Variants in MBD5 observed in about 807,000 individuals in gnomAD.
MBD5 encodes methyl-CpG-binding domain protein 5.
Under a neutral mutation model 117.3 loss-of-function variants are expected in MBD5, and 13 were observed. The observed-to-expected ratio is 0.11, with a 90% confidence interval of 0.07 to 0.18. The LOEUF is 0.18. MBD5 is among the 10% of genes least tolerant of loss of function. The pLI is 1.00. For missense variants in MBD5, 1,879 were observed against 2,093.8 expected, an observed-to-expected ratio of 0.90 and a Z score of 2.00; for synonymous variants, 727 against 766.4, an observed-to-expected ratio of 0.95 and a Z score of 0.85.
chr2:148,163,754 C>T (rs964088028), intron 1 of MBD5, among the ~76,000 whole-genome samples: 3 of 151,916 alleles, frequency 2.0e-5, no homozygotes, highest in African/African-American at 4.8e-5. Flanking sequence ...TTTAGAATAG[C>T]GCTTGGTATG....
chr2:148,373,454 T>G (rs1703909937), intron 4 of MBD5, among the ~76,000 whole-genome samples: 1 of 152,126 alleles, frequency 6.6e-6, no homozygotes, highest in Non-Finnish European at 1.5e-5. Flanking sequence ...TATTCGTTAT[T>G]GGAAGGACAA....
chr2:148,490,167 G>T lies in MBD5; in HGVS notation c.4535G>T (p.Arg1512Ile), dbSNP rs1681477641. Residue 1512 changes from arginine to isoleucine, a missense_variant, in exon 11 of 14, where the codon AGA becomes ATA. By Grantham distance (97) the Arg-to-Ile change is moderately conservative. Transcript: ENST00000642680. ...AGAACTATGATGAGTTTTAAGGAGA[G>T]ACTAGAGAACACTGTGGAAAGATGT... is the stretch of plus-strand genomic sequence containing the variant. ...YKRTMMSFKE[R>I]LENTVERCAH... is the part of the protein sequence containing the mutation. The T allele has an allele frequency of 6.2e-7, 1 of 1,614,064 alleles. No homozygotes were observed. The highest frequency in any genetic ancestry group is 1.3e-5 in the African/African-American group (1 of 75,004).
chr2:148,329,673 A>G (rs1452301372), intron 3 of MBD5, among the ~76,000 whole-genome samples: 1 of 152,178 alleles, frequency 6.6e-6, no homozygotes, highest in Admixed American at 6.5e-5. Flanking sequence ...TTTGATGTAT[A>G]AGAAAGGCAA....
chr2:148,387,994 T>C lies in MBD5; in HGVS notation c.-557+45658T>C, dbSNP rs531454862. Among the ~76,000 whole-genome samples, 26 of 152,184 alleles carry C rather than the reference T, an allele frequency of 1.7e-4. 1 individual carries two copies. Among genetic ancestry groups the C allele is most frequent in the Admixed American group, 3.3e-4 (5 of 15,288 alleles). ...GTTTTTGGGGAATCTAAACTTCATA[T>C]GAAAAAGCAAAGAGCATGGAATAGC... On this transcript the variant is annotated intron_variant, in intron 4 of 13. Transcript: ENST00000642680.
intron 4 of MBD5, among the ~76,000 whole-genome samples, chr2:148,365,311 A>G (rs1001687492): frequency 6.6e-6 from 1 of 152,208 alleles, no homozygotes. Context: ...GACACAACAT[A>G]CCAGAATCTC....
At chr2:148,369,221 T>TA (rs556656836) in intron 4 of MBD5, among the ~76,000 whole-genome samples, 3,539 of 139,420 alleles carry the variant, frequency 0.025, 69 homozygotes, top group Middle Eastern at 0.061. Flanking sequence ...TCAAAAAACT[T>TA]AAAAAAAAAA....
chr2:148,366,475 A>G lies in MBD5; in HGVS notation c.-557+24139A>G, dbSNP rs762040422. Among the ~76,000 whole-genome samples the G allele has an allele frequency of 1.1e-3, 161 of 152,192 alleles. 1 individual carries two copies. The highest frequency in any genetic ancestry group is 1.2e-3 in the South Asian group (6 of 4,822). ...CAACATAGTGTTGGAAGTTCTGGCC[A>G]GGGCAGTCAGGCAAGAGAAAGAAAT... On this transcript the variant is annotated intron_variant, in intron 4 of 13. Transcript: ENST00000642680.
At chr2:148,508,802 G>A (rs1413689065) in intron 12 of MBD5, among the ~76,000 whole-genome samples, 1 of 152,014 alleles carries the variant, frequency 6.6e-6, no homozygotes, top group Non-Finnish European at 1.5e-5. Context: ...GACCATCTGG[G>A]CCACCTTTGA....
At chr2:148,308,272 T>C (rs1046375692) in intron 3 of MBD5, among the ~76,000 whole-genome samples, 17 of 152,162 alleles carry the variant, frequency 1.1e-4, no homozygotes, top group African/African-American at 4.1e-4. Context: ...GTAAAAGCGT[T>C]CCTATTTCTC....
chr2:148,175,798 T>G (rs764807126), intron 1 of MBD5, among the ~76,000 whole-genome samples: 2 of 152,232 alleles, frequency 1.3e-5, no homozygotes, highest in Admixed American at 6.5e-5. Flanking sequence ...ATAGCACTTC[T>G]TTATTTTCTA....
intron 3 of MBD5, among the ~76,000 whole-genome samples, chr2:148,252,074 T>A (rs1282841542): frequency 6.6e-6 from 1 of 152,174 alleles, no homozygotes; most frequent in Non-Finnish European, 1.5e-5. Context: ...GAGAGAGCTA[T>A]CAAGAGCGTC....
At chr2:148,363,654 A>G (rs1380534366) in intron 4 of MBD5, among the ~76,000 whole-genome samples, 1 of 152,128 alleles carries the variant, frequency 6.6e-6, no homozygotes, top group Non-Finnish European at 1.5e-5. Context: ...GGACCTCTAT[A>G]CCTGATGGAG....
chr2:148,429,801 A>G (rs777030804), intron 4 of MBD5, among the ~76,000 whole-genome samples: 5 of 152,080 alleles, frequency 3.3e-5, no homozygotes, highest in Non-Finnish European at 5.9e-5. Context: ...AACAATGAAA[A>G]CACATGGTCA....
intron 4 of MBD5, among the ~76,000 whole-genome samples, chr2:148,371,715 G>GT (rs1474735002): frequency 1.3e-5 from 2 of 152,076 alleles, no homozygotes; most frequent in Non-Finnish European, 2.9e-5. Context: ...TATACTTAAC[G>GT]TGAGAGCCAT....
At chr2:148,489,266 A>T in intron 10 of MBD5, 120 bp from the exon 11 acceptor site, 4 of 1,185,116 alleles carry the variant, frequency 3.4e-6, no homozygotes, top group Non-Finnish European at 4.8e-6. Flanking sequence ...CTTGTTCTTT[A>T]TATTTCCTTC....
intron 1 of MBD5, among the ~76,000 whole-genome samples, chr2:148,090,243 C>G (rs747362154): frequency 5.3e-5 from 8 of 152,044 alleles, no homozygotes; most frequent in Non-Finnish European, 7.4e-5. Context: ...GGATTCACAG[C>G]TGAATTTTAT....
chr2:148,313,985 T>C (rs1226663514), intron 3 of MBD5, among the ~76,000 whole-genome samples: 2 of 151,832 alleles, frequency 1.3e-5, no homozygotes, highest in Non-Finnish European at 2.9e-5. Context: ...GTCTGACCAA[T>C]CTCAATGTGG....
intron 3 of MBD5, among the ~76,000 whole-genome samples, chr2:148,241,645 A>G (rs1700219455): frequency 6.6e-6 from 1 of 152,034 alleles, no homozygotes; most frequent in South Asian, 2.1e-4. Context: ...CTCAACCCTG[A>G]ATTCTGGCCT....
intron 3 of MBD5, chr2:148,265,063 A>G (rs1041073901): frequency 3.0e-5 from 3 of 100,904 alleles, no homozygotes; most frequent in African/African-American, 6.7e-5. Flanking sequence ...ATGTAGACAC[A>G]CGCACACACA....
Sources: allele counts gnomAD v4.1 joint callset (sites outside exome capture counted in the v4.1 genomes callset), GRCh38; gene constraint gnomAD v4.1.1; transcripts MANE v1.5; gene names NCBI Gene and HGNC (gene_info 2026-07-23, HGNC 2026-07-21).